The following GLRA1 variants were observed in gnomAD, a reference collection of about 807,000 sequenced individuals.
GLRA1 encodes glycine receptor subunit alpha-1.
A neutral mutation model predicts 48.3 loss-of-function variants in GLRA1; 37 were observed. That is an observed-to-expected ratio of 0.77 (90% CI 0.59 to 1.01). GLRA1 has a LOEUF of 1.01. GLRA1 is among the 50% of genes least tolerant of loss of function. The pLI, the probability that GLRA1 is intolerant of heterozygous loss-of-function variation, is 0.00. For missense variants in GLRA1, 427 were observed against 571.0 expected, an observed-to-expected ratio of 0.75 and a Z score of 2.57; for synonymous variants, 196 against 210.7, an observed-to-expected ratio of 0.93 and a Z score of 0.60.
At chr5:151,853,957 G>A (rs1301468131) in intron 6 of GLRA1, among the ~76,000 whole-genome samples, 1 of 152,192 alleles carries the variant, frequency 6.6e-6, no homozygotes, top group African/African-American at 2.4e-5. Context: ...CTTAGCTTGA[G>A]TGTGGTAATT....
rs551285364 is a variant in GLRA1 at position 151,881,939 on chromosome 5, A to G, written c.252+4782T>C. 2.0e-4 allele frequency among the ~76,000 whole-genome samples: 30 copies of G among 152,252 alleles called. 1 individual carries two copies. The East Asian group carries it at 3.1e-3, about 16-fold the overall frequency. ...CTGGAAAGTTTCTGAAACCCGGACT[A>G]TGTCCATATTACCTTGGACCCATGG... On this transcript the variant is annotated intron_variant, in intron 3 of 8. Coordinates refer to ENST00000274576, the MANE Select transcript of GLRA1 (RefSeq NM_000171.4).
At chr5:151,861,520 G>A (rs551664495) in intron 3 of GLRA1, among the ~76,000 whole-genome samples, 2 of 152,308 alleles carry the variant, frequency 1.3e-5, no homozygotes, top group East Asian at 3.9e-4. Flanking sequence ...CTGCATAAAT[G>A]TCTTCTTTTG....
chr5:151,832,757 T>C (rs977251779), intron 7 of GLRA1, among the ~76,000 whole-genome samples: 1 of 152,202 alleles, frequency 6.6e-6, no homozygotes, highest in Middle Eastern at 3.4e-3. Context: ...TTCCCCAACC[T>C]AGCAAGACAG....
chr5:151,838,576 C>A (rs974389972), intron 7 of GLRA1, among the ~76,000 whole-genome samples: 21 of 151,972 alleles, frequency 1.4e-4, no homozygotes, highest in Admixed American at 2.0e-4. Context: ...TTTAAGAAGA[C>A]AGAAGAATCA....
At chr5:151,916,081 C>G (rs1296255812) in intron 1 of GLRA1, among the ~76,000 whole-genome samples, 2 of 152,118 alleles carry the variant, frequency 1.3e-5, no homozygotes, top group Non-Finnish European at 2.9e-5. Flanking sequence ...CTGTCTATCT[C>G]TATGTATCAG....
intron 2 of GLRA1, among the ~76,000 whole-genome samples, 199 bp from the exon 3 acceptor site, chr5:151,886,987 A>G (rs192890018): frequency 6.6e-5 from 10 of 152,282 alleles, no homozygotes; most frequent in Admixed American, 5.9e-4. Context: ...CTGGTCCCCA[A>G]GTGAGCACCA....
intron 2 of GLRA1, 29 bp from the exon 3 acceptor site, chr5:151,886,817 C>G: frequency 6.4e-7 from 1 of 1,558,558 alleles, no homozygotes; most frequent in Non-Finnish European, 8.9e-7. Flanking sequence ...TCCTGCTTAG[C>G]CCCAAGGCCA....
intron 7 of GLRA1, among the ~76,000 whole-genome samples, chr5:151,848,589 T>G (rs533333746): frequency 3.3e-5 from 5 of 152,300 alleles, no homozygotes; most frequent in African/African-American, 1.2e-4. Flanking sequence ...GTGTCTGCAT[T>G]GTTGTTGCTG....
intron 7 of GLRA1, among the ~76,000 whole-genome samples, chr5:151,843,500 A>G (rs1752565584): frequency 6.6e-6 from 1 of 151,984 alleles, no homozygotes; most frequent in African/African-American, 2.4e-5. Flanking sequence ...TGACCTTGTG[A>G]TCTGCCCACC....
At chr5:151,872,563 C>T (rs1195273618) in intron 3 of GLRA1, among the ~76,000 whole-genome samples, 1 of 149,678 alleles carries the variant, frequency 6.7e-6, no homozygotes, top group Non-Finnish European at 1.5e-5. Context: ...TAAAGAAATG[C>T]ACACAGAGGG....
At chr5:151,841,709 A>G (rs912762496) in intron 7 of GLRA1, among the ~76,000 whole-genome samples, 2 of 152,218 alleles carry the variant, frequency 1.3e-5, no homozygotes, top group Non-Finnish European at 2.9e-5. Context: ...CTGTATGCCA[A>G]TAAATTTGAT....
intron 3 of GLRA1, among the ~76,000 whole-genome samples, chr5:151,886,440 A>C (rs1315216572): frequency 1.3e-5 from 2 of 152,122 alleles, no homozygotes; most frequent in African/African-American, 2.4e-5. Context: ...ATTTTCTTTT[A>C]CTCTAAAAAT....
chr5:151,901,216 C>T (rs904361514), intron 1 of GLRA1, among the ~76,000 whole-genome samples: 2 of 152,188 alleles, frequency 1.3e-5, no homozygotes, highest in Non-Finnish European at 2.9e-5. Flanking sequence ...TTCCTTATGT[C>T]CTTATTTATA....
chr5:151,924,429 G>C lies in GLRA1; in HGVS notation c.56+65C>G. 3 of 979,764 alleles carry C rather than the reference G, an allele frequency of 3.1e-6. No individual in the cohort carries two copies. In the South Asian group the frequency reaches 3.8e-5, roughly 12 times the overall value. 60.7% of individuals were successfully genotyped at this position (979,764 alleles called of 1,614,324 possible). A position where few individuals can be genotyped will look rare whatever the true frequency, so the allele number is the denominator to read the frequency against. On this transcript the variant is annotated intron_variant, in intron 1 of 8. Coordinates refer to ENST00000274576, the MANE Select transcript of GLRA1 (RefSeq NM_000171.4). The stretch of plus-strand genomic sequence containing the variant: ...CCAAAATGATGGGACCACGGACAGA[G>C]GTAGCCTCCGTACTCTTTCCCCCCA...
intron 8 of GLRA1, among the ~76,000 whole-genome samples, chr5:151,825,897 T>C (rs549929457): frequency 2.7e-4 from 41 of 152,330 alleles, no homozygotes; most frequent in Admixed American, 2.2e-3. Context: ...AGAGAGTTTC[T>C]GCAGAAGAAG....
intron 1 of GLRA1, among the ~76,000 whole-genome samples, chr5:151,923,272 G>A (rs1754923950): frequency 6.6e-6 from 1 of 152,210 alleles, no homozygotes; most frequent in African/African-American, 2.4e-5. Context: ...GAGGGGAGGT[G>A]TCATTTAATA....
At chr5:151,859,088 A>G (rs1430081853) in intron 4 of GLRA1, among the ~76,000 whole-genome samples, 1 of 152,234 alleles carries the variant, frequency 6.6e-6, no homozygotes, top group Non-Finnish European at 1.5e-5. Flanking sequence ...GGAGGGCTGG[A>G]TATAACACAT....
At chr5:151,859,700 G>T in intron 4 of GLRA1, 85 bp downstream of exon 4, 2 of 983,658 alleles carry the variant, frequency 2.0e-6, no homozygotes, top group Non-Finnish European at 3.3e-6. Flanking sequence ...CCTCTGTTTG[G>T]CCCCTCTTTT....
chr5:151,901,112 A>G (rs937658636), intron 1 of GLRA1, among the ~76,000 whole-genome samples: 29 of 152,344 alleles, frequency 1.9e-4, no homozygotes, highest in African/African-American at 5.8e-4. Context: ...AAAATAAGAG[A>G]AAAAGTCATT....
Sources: allele counts gnomAD v4.1 joint callset (sites outside exome capture counted in the v4.1 genomes callset), GRCh38; gene constraint gnomAD v4.1.1; transcripts MANE v1.5; gene names NCBI Gene and HGNC (gene_info 2026-07-23, HGNC 2026-07-21).